Variants in WDR35 observed in about 807,000 individuals in gnomAD.
WDR35 encodes WD repeat domain 35.
Under a neutral mutation model 158.3 loss-of-function variants are expected in WDR35, and 118 were observed. The observed-to-expected ratio is 0.75, with a 90% CI of 0.64 to 0.87. The LOEUF is 0.87. WDR35 is among the 40% of genes least tolerant of loss of function. The probability of loss-of-function intolerance (pLI) is 0.00; values close to 1 mark genes in which losing one functional copy is unlikely to be tolerated. For synonymous variants in WDR35, 448 were observed against 476.1 expected (o/e 0.94, Z 0.77); for missense variants, 1,263 against 1,405.8 (o/e 0.90, Z 1.62).
intron 10 of WDR35, among the ~76,000 whole-genome samples, chr2:19,965,178 C>A (rs543674976): frequency 6.6e-6 from 1 of 152,194 alleles, no homozygotes; most frequent in Non-Finnish European, 1.5e-5. Context: ...CCGCCTTGGT[C>A]TCTCAAAGTG....
intron 10 of WDR35, among the ~76,000 whole-genome samples, chr2:19,965,645 C>G (rs541898017): frequency 6.6e-6 from 1 of 152,178 alleles, no homozygotes; most frequent in Non-Finnish European, 1.5e-5. Context: ...AGAGTTCCCC[C>G]ACCCTCAGCT....
intron 16 of WDR35, 46 bp from the exon 17 acceptor site, chr2:19,941,885 T>C: frequency 7.4e-7 from 1 of 1,356,972 alleles, no homozygotes; most frequent in Non-Finnish European, 1.0e-6. Flanking sequence ...CAAAATTTCC[T>C]CTCTTTTAAC....
At chr2:19,929,734 C>A (rs547824347) in intron 25 of WDR35, among the ~76,000 whole-genome samples, 3 of 152,070 alleles carry the variant, frequency 2.0e-5, no homozygotes, top group Non-Finnish European at 4.4e-5. Flanking sequence ...AGGGAAAAAA[C>A]CATGCTCCTG....
rs747067061 is a variant in WDR35 at position 19,937,784 on chromosome 2, C to T, written c.2226G>A (p.Arg742=). The change falls in exon 19 of 27, where the codon AGG becomes AGA. Residue 742 remains arginine, a synonymous_variant. Coordinates refer to ENST00000281405, the MANE Select transcript of WDR35 (RefSeq NM_020779.4). ...KQAEVVGYFG[R]FEEAERTYLE... Reference sequence around the variant, plus strand: ...GATACGTTCTTTCAGCCTCTTCAAACCTGCCGAAGTAGCCAACAACTTCAG... The same window carrying T: ...GATACGTTCTTTCAGCCTCTTCAAATCTGCCGAAGTAGCCAACAACTTCAG... 1.2e-6 allele frequency: 2 copies of T among 1,614,140 alleles called. No individual in the cohort carries two copies. Among genetic ancestry groups the T allele is most frequent in the East Asian group, 2.2e-5 (1 of 44,878 alleles).
chr2:19,961,714 C>T (rs543592193), intron 10 of WDR35, among the ~76,000 whole-genome samples: 10 of 152,138 alleles, frequency 6.6e-5, no homozygotes, highest in Non-Finnish European at 1.5e-4. Context: ...ATGCTCAAGG[C>T]ATTTTGCTTG....
At chr2:19,943,786 C>T (rs1379139101) in intron 16 of WDR35, among the ~76,000 whole-genome samples, 1 of 152,034 alleles carries the variant, frequency 6.6e-6, no homozygotes, top group East Asian at 1.9e-4. Context: ...CAGGGAATAT[C>T]AACATTAAAT....
At chr2:19,928,842 T>TGTC (rs1670440870) in intron 25 of WDR35, among the ~76,000 whole-genome samples, 2 of 151,944 alleles carry the variant, frequency 1.3e-5, no homozygotes, top group South Asian at 2.1e-4. Context: ...AGTCTCGCTC[T>TGTC]GTCACCCAGG....
chr2:19,943,477 AATTT>A (rs1177867799), intron 16 of WDR35, among the ~76,000 whole-genome samples: 1 of 152,168 alleles, frequency 6.6e-6, no homozygotes, highest in African/African-American at 2.4e-5. Flanking sequence ...CATCCAGTAT[AATTT>A]ATTTTTCTCA....
chr2:19,945,345 A>G (rs1671012413), intron 16 of WDR35, among the ~76,000 whole-genome samples: 1 of 152,340 alleles, frequency 6.6e-6, no homozygotes, highest in South Asian at 2.1e-4. Context: ...GTAAATATAA[A>G]TAAGACAAAG....
chr2:19,974,657 A>G, intron 6 of WDR35, 24 bp from the exon 7 acceptor site: 1 of 1,602,582 alleles, frequency 6.2e-7, no homozygotes, highest in South Asian at 1.1e-5. Context: ...GTTAGGTTTA[A>G]TATTTTACAT....
At chr2:19,970,081 T>C (rs974893206) in intron 8 of WDR35, among the ~76,000 whole-genome samples, 3 of 152,128 alleles carry the variant, frequency 2.0e-5, no homozygotes, top group East Asian at 1.9e-4. Context: ...AAAACATGCA[T>C]ATAAGAAAAA....
intron 10 of WDR35, among the ~76,000 whole-genome samples, chr2:19,961,315 T>C (rs1160177119): frequency 6.6e-6 from 1 of 152,164 alleles, no homozygotes; most frequent in Non-Finnish European, 1.5e-5. Context: ...AAAAAATGAA[T>C]CTCATCTTGT....
intron 9 of WDR35, among the ~76,000 whole-genome samples, chr2:19,968,259 G>C (rs2103446989): frequency 6.6e-6 from 1 of 152,264 alleles, no homozygotes; most frequent in South Asian, 2.1e-4. Flanking sequence ...AGGTGTGATT[G>C]ACAAGTTTCA....
At chr2:19,915,138 T>A (rs1159493590) in intron 25 of WDR35, among the ~76,000 whole-genome samples, 1 of 151,682 alleles carries the variant, frequency 6.6e-6, no homozygotes, top group East Asian at 1.9e-4. Flanking sequence ...ATTAGATTTA[T>A]AACCAATTTG....
intron 8 of WDR35, among the ~76,000 whole-genome samples, chr2:19,971,991 T>C (rs1444091551): frequency 1.3e-5 from 2 of 152,202 alleles, no homozygotes; most frequent in Non-Finnish European, 2.9e-5. Flanking sequence ...CAAACTACAC[T>C]GTGGAAAATG....
intron 6 of WDR35, among the ~76,000 whole-genome samples, chr2:19,974,973 A>G (rs1672159443): frequency 6.6e-6 from 1 of 152,226 alleles, no homozygotes; most frequent in Non-Finnish European, 1.5e-5. Flanking sequence ...CCCTTGCTAA[A>G]AAACAAAACT....
chr2:19,916,623 G>A (rs1042061571), intron 25 of WDR35, among the ~76,000 whole-genome samples: 1 of 152,184 alleles, frequency 6.6e-6, no homozygotes, highest in Non-Finnish European at 1.5e-5. Flanking sequence ...AAGCCGCTGG[G>A]AAGTTGAAAC....
At chr2:19,937,112 A>G (rs990994219) in intron 19 of WDR35, among the ~76,000 whole-genome samples, 2 of 152,226 alleles carry the variant, frequency 1.3e-5, no homozygotes, top group African/African-American at 2.4e-5. Flanking sequence ...GGGAGTATAA[A>G]TAACATTAAT....
chr2:19,951,689 G>A (rs1005218431), intron 12 of WDR35: 21 of 450,010 alleles, frequency 4.7e-5, no homozygotes, highest in African/African-American at 2.0e-4. Context: ...TAAATGATAC[G>A]TTCCTGAAAG....
Sources: gnomAD v4.1 joint callset for allele counts (sites outside exome capture counted in the v4.1 genomes callset) on GRCh38, gnomAD v4.1.1 for gene constraint, MANE v1.5 for transcripts, NCBI Gene and HGNC (gene_info 2026-07-23, HGNC 2026-07-21) for gene names.